Variants in ANO9 observed in about 807,000 individuals in gnomAD.
The protein encoded by ANO9 is anoctamin 9.
Under a neutral mutation model 100.5 loss-of-function variants are expected in ANO9, and 80 were observed. The ratio of observed to expected loss-of-function variants is 0.80; its 90% CI spans 0.66 to 0.96. The LOEUF is 0.96. ANO9 is among the 40% of genes least tolerant of loss of function. ANO9 has a pLI of 0.00. For missense variants in ANO9, 1,064 were observed against 1,072.7 expected (o/e 0.99, Z 0.11); for synonymous variants, 473 against 435.6 (o/e 1.09, Z -1.07).
At chr11:425,110 CG>C in intron 15 of ANO9, among the ~76,000 whole-genome samples, 1 of 47,704 alleles carries the variant, frequency 2.1e-5, no homozygotes, top group South Asian at 5.8e-4. Flanking sequence ...AGAGACGGGA[CG>C]CGCGGGAGGA....
chr11:432,847 TG>T lies in ANO9; in HGVS notation c.350+466del. 1 of 159,784 alleles carries T rather than the reference TG, an allele frequency of 6.3e-6. No individual in the cohort carries two copies. Among genetic ancestry groups the T allele is most frequent in the Non-Finnish European group, 1.4e-5 (1 of 73,432 alleles). 9.9% of individuals were successfully genotyped at this position (159,784 alleles called of 1,614,324 possible). On this transcript the variant is annotated intron_variant, in intron 4 of 22. Transcript: ENST00000332826. The surrounding 1 kb of genome is among the most constrained non-coding windows in gnomAD (Gnocchi z 4.8). ...CAGGCTTGGAGGCTCCCTCCTGGGC[TG>T]GAGGACTGGGGAGAAGCAGGGCCTT...
chr11:440,601 C>T lies in ANO9; in HGVS notation c.6+1320G>A, dbSNP rs117230113. The T allele has an allele frequency of 8.9e-3, 1,353 of 152,556 alleles. 10 individuals carry two copies. The highest frequency in any genetic ancestry group is 0.015 in the Non-Finnish European group (1,048 of 68,198). 9.5% of individuals were successfully genotyped at this position (152,556 alleles called of 1,614,324 possible). ...ATGTGCGGACAGCCAGTCAGCCTAA[C>T]ACACTACAGCCCAGAACTCCCAGGC... On this transcript the variant is annotated intron_variant, in intron 1 of 22. Transcript: ENST00000332826.
At chr11:429,943 C>A in intron 9 of ANO9, 125 bp from the exon 10 acceptor site, 2 of 121,836 alleles carry the variant, frequency 1.6e-5, no homozygotes, top group East Asian at 7.3e-4. Flanking sequence ...GGCGGGTGGG[C>A]TGGGGCTGGG....
intron 15 of ANO9, among the ~76,000 whole-genome samples, chr11:427,743 C>T (rs990696919): frequency 1.3e-5 from 2 of 151,708 alleles, no homozygotes; most frequent in East Asian, 2.0e-4. Context: ...TACATGTATA[C>T]GAGGATGTGT....
chr11:430,002 A>G, intron 9 of ANO9, 81 bp downstream of exon 9: 2 of 1,470,798 alleles, frequency 1.4e-6, no homozygotes, highest in Non-Finnish European at 9.3e-7. Context: ...GCAGGGCTCC[A>G]GGCCTTGATC....
At chr11:433,488 C>A in intron 3 of ANO9, 29 bp from the exon 4 acceptor site, 1 of 1,595,454 alleles carries the variant, frequency 6.3e-7, no homozygotes, top group African/African-American at 1.3e-5. Context: ...CTCTATCCCA[C>A]CTCAGAACCC....
rs754036695 is a variant in ANO9 at position 433,394 on chromosome 11, G to A, written c.270C>T (p.Tyr90=). 2.5e-6 allele frequency: 4 copies of A among 1,613,248 alleles called. No individual in the cohort carries two copies. The South Asian group carries it at 4.4e-5, about 18-fold the overall frequency. Residue 90 remains tyrosine, a synonymous_variant, in exon 4 of 23, where the codon TAC becomes TAT. Coordinates refer to ENST00000332826, the MANE Select transcript of ANO9 (RefSeq NM_001012302.3). The part of the protein sequence containing the change: ...IRADNSVFGL[Y]RTLLLEPEGP... ...CCTCAGGCTCCAGGAGGAGAGTGCG[G>A]TACAGGCCAAAGACACTGTTGTCAG...
In ANO9 at chr11:433,211, C is replaced by T. The variant is rs1230238673; in HGVS notation, c.350+103G>A. On this transcript the variant is annotated intron_variant, in intron 4 of 22. Transcript: ENST00000332826. ...CCCTGAGACCACACGGCTGTCCTGC[C>T]TTGGCGACGCCTGGAGCCTGGCACT... 2.8e-5 allele frequency: 42 copies of T among 1,479,112 alleles called. No individual in the cohort carries two copies. In the East Asian group the frequency reaches 9.3e-4, roughly 33 times the overall value. 91.6% of individuals were successfully genotyped at this position (1,479,112 alleles called of 1,614,324 possible).
chr11:419,935 C>G, intron 19 of ANO9: 1 of 1,406,890 alleles, frequency 7.1e-7, no homozygotes. Flanking sequence ...CTGACATGGA[C>G]AGGGAGGAAC....
chr11:425,091 G>T (rs1848423181), intron 15 of ANO9, among the ~76,000 whole-genome samples: 1 of 3,566 alleles, frequency 2.8e-4, no homozygotes, highest in South Asian at 0.062. Flanking sequence ...GGAGGAAAAG[G>T]CGGCGTGGAG....
chr11:422,338 G>C lies in ANO9; in HGVS notation c.1335-1140C>G, dbSNP rs1386444989. ...AAAGACGTCCACGTGCTCATTCTTG[G>C]AGCCTGTGACCACGTTCTTACCTGG... On this transcript the variant is annotated intron_variant, in intron 15 of 22. Transcript: ENST00000332826. The surrounding 1 kb of genome is among the most constrained non-coding windows in gnomAD (Gnocchi z 4.3). Among the ~76,000 whole-genome samples the C allele has an allele frequency of 6.6e-6, 1 of 152,222 alleles. No homozygotes were observed. Among genetic ancestry groups the C allele is most frequent in the East Asian group, 1.9e-4 (1 of 5,208 alleles).
At chr11:434,619 C>T (rs904474758) in intron 1 of ANO9, among the ~76,000 whole-genome samples, 71 of 152,294 alleles carry the variant, frequency 4.7e-4, no homozygotes, top group African/African-American at 1.6e-3. Context: ...GCACTCGCGG[C>T]GGCCCCATTT....
At chr11:439,038 C>T (rs183945048) in intron 1 of ANO9, among the ~76,000 whole-genome samples, 10 of 152,296 alleles carry the variant, frequency 6.6e-5, no homozygotes, top group Non-Finnish European at 8.8e-5. Flanking sequence ...CTGACGCCAC[C>T]GAAACACCCC....
chr11:437,043 T>TGA (rs1564936206), intron 1 of ANO9, among the ~76,000 whole-genome samples: 25 of 51,638 alleles, frequency 4.8e-4, no homozygotes, highest in East Asian at 4.0e-3. Flanking sequence ...GAGCGGGGGG[T>TGA]GCGTGGGGGG....
rs1158034541 is a variant in ANO9 at position 432,293 on chromosome 11, G to T, written c.351-239C>A. 1.1e-5 allele frequency: 6 copies of T among 554,500 alleles called. No homozygotes were observed. The highest frequency in any genetic ancestry group is 1.9e-5 in the Non-Finnish European group (6 of 309,344). 34.3% of individuals were successfully genotyped at this position (554,500 alleles called of 1,614,324 possible). On this transcript the variant is annotated intron_variant, in intron 4 of 22. Transcript: ENST00000332826. The surrounding 1 kb of genome is among the most constrained non-coding windows in gnomAD (Gnocchi z 4.8). ...GCGTCCAGGATGAGGCTGGGCTGGGGGCTCCTTCTCCTCCCAGCCCGTCCC... is the reference window on the plus strand; with the variant it reads ...GCGTCCAGGATGAGGCTGGGCTGGGTGCTCCTTCTCCTCCCAGCCCGTCCC...
At chr11:423,332 T>C (rs1848307361) in intron 15 of ANO9, among the ~76,000 whole-genome samples, 2 of 152,156 alleles carry the variant, frequency 1.3e-5, no homozygotes, top group Admixed American at 6.5e-5. Flanking sequence ...GAAGACAATA[T>C]ATAAGCAAAG....
rs1198352551 is a variant in ANO9, at chr11:428,577, G to A, written c.1083C>T (p.Leu361=). The A allele has an allele frequency of 1.2e-6, 2 of 1,612,666 alleles. No homozygotes were observed. Among genetic ancestry groups the A allele is most frequent in the Non-Finnish European group, 1.7e-6 (2 of 1,179,910 alleles). Residue 361 remains leucine (L), a synonymous_variant, in exon 13 of 23, where the codon CTC becomes CTT. Transcript: ENST00000332826. ...LVVYRVLASA[L]FSSSAVPFLE... ...GGAAGGGCACGGCCGAGCTGCTGAAGAGCGCGGAGGCCAGGACGCGGTAGA... is the reference window on the plus strand; with the variant it reads ...GGAAGGGCACGGCCGAGCTGCTGAAAAGCGCGGAGGCCAGGACGCGGTAGA...
chr11:441,114 C>G (rs548961846), intron 1 of ANO9, among the ~76,000 whole-genome samples: 1 of 152,292 alleles, frequency 6.6e-6, no homozygotes, highest in South Asian at 2.1e-4. Context: ...CCGAGGAGAG[C>G]CCTGGGCGGA....
intron 1 of ANO9, among the ~76,000 whole-genome samples, chr11:436,896 GA>G (rs1849622179): frequency 1.5e-4 from 1 of 6,564 alleles, no homozygotes; most frequent in Non-Finnish European, 2.6e-4. Context: ...GGGTAAGCAG[GA>G]GGTGAGCAGG....
Sources: gnomAD v4.1 joint callset for allele counts (sites outside exome capture counted in the v4.1 genomes callset) on GRCh38, gnomAD v4.1.1 for gene constraint, Gnocchi (gnomAD v3.1) non-coding constraint, MANE v1.5 for transcripts, NCBI Gene and HGNC (gene_info 2026-07-23, HGNC 2026-07-21) for gene names.